The following ZNF608 variants were observed in gnomAD, a reference collection of about 807,000 sequenced individuals.
ZNF608 encodes the protein zinc finger protein 608, also known as renal carcinoma antigen NY-REN-36.
Under a neutral mutation model 109.0 loss-of-function variants are expected in ZNF608, and 12 were observed. That is an observed-to-expected ratio of 0.11 (90% CI 0.07 to 0.18). ZNF608 has a LOEUF of 0.18. Ranked by LOEUF, ZNF608 falls within the 10% of genes least tolerant of loss-of-function variation. The pLI is 1.00. For synonymous variants in ZNF608, 732 were observed against 717.4 expected (o/e 1.02, Z -0.33); for missense variants, 1,707 against 1,879.3 (o/e 0.91, Z 1.70).
At chr5:124,661,512 C>T (rs1751258252) in intron 3 of ZNF608, among the ~76,000 whole-genome samples, 1 of 149,402 alleles carries the variant, frequency 6.7e-6, no homozygotes, top group African/African-American at 2.5e-5. Flanking sequence ...CACAGAGTTA[C>T]AAGTATTTCA....
At chr5:124,671,794 C>T (rs767394510) in intron 3 of ZNF608, among the ~76,000 whole-genome samples, 9 of 151,904 alleles carry the variant, frequency 5.9e-5, no homozygotes, top group Admixed American at 5.9e-4. Flanking sequence ...AGCCACCACA[C>T]CTGGCTAATT....
chr5:124,642,442 G>A (rs867412499), intron 7 of ZNF608, among the ~76,000 whole-genome samples: 18 of 152,204 alleles, frequency 1.2e-4, no homozygotes, highest in African/African-American at 3.4e-4. Flanking sequence ...TACATGTCAC[G>A]GGCACTCAGC....
At chr5:124,681,973 C>T (rs1184146363) in intron 3 of ZNF608, among the ~76,000 whole-genome samples, 1 of 152,224 alleles carries the variant, frequency 6.6e-6, no homozygotes, top group Non-Finnish European at 1.5e-5. Flanking sequence ...CATGTGACCC[C>T]ATTATCAATC....
intron 2 of ZNF608, among the ~76,000 whole-genome samples, chr5:124,724,170 T>A (rs1754046028): frequency 6.6e-6 from 1 of 152,134 alleles, no homozygotes; most frequent in Non-Finnish European, 1.5e-5. Context: ...AAGGTGCAGA[T>A]CAGTTTCTTT....
At chr5:124,641,606 T>C (rs1750242382) in intron 7 of ZNF608, among the ~76,000 whole-genome samples, 2 of 152,190 alleles carry the variant, frequency 1.3e-5, no homozygotes, top group Admixed American at 1.3e-4. Context: ...AAAGAACTAC[T>C]CCACCCAAAG....
intron 3 of ZNF608, among the ~76,000 whole-genome samples, chr5:124,665,742 T>C (rs1751450619): frequency 6.6e-6 from 1 of 152,204 alleles, no homozygotes; most frequent in South Asian, 2.1e-4. Flanking sequence ...GTCTCTCACC[T>C]GATGTAGAAG....
chr5:124,651,855 C>G (rs758043133), intron 3 of ZNF608, among the ~76,000 whole-genome samples: 1 of 152,236 alleles, frequency 6.6e-6, no homozygotes, highest in Non-Finnish European at 1.5e-5. Context: ...GCATCCCCCA[C>G]GGCGCGCTGG....
intron 3 of ZNF608, among the ~76,000 whole-genome samples, chr5:124,668,957 C>G (rs1337364369): frequency 6.6e-6 from 1 of 152,148 alleles, no homozygotes; most frequent in African/African-American, 2.4e-5. Flanking sequence ...ATTAGCAAGA[C>G]AGCCAAACCC....
intron 2 of ZNF608, among the ~76,000 whole-genome samples, chr5:124,717,446 G>A (rs1753749479): frequency 6.6e-6 from 1 of 152,158 alleles, no homozygotes; most frequent in Non-Finnish European, 1.5e-5. Flanking sequence ...ACTCCAGCCT[G>A]GGCGACAGAG....
chr5:124,647,080 T>C lies in ZNF608; in HGVS notation c.3304A>G (p.Arg1102Gly), dbSNP rs1231113464. The C allele has an allele frequency of 6.2e-7, 1 of 1,614,168 alleles. No individual in the cohort carries two copies. Among genetic ancestry groups the C allele is most frequent in the Non-Finnish European group, 8.5e-7 (1 of 1,180,000 alleles). The part of the protein sequence containing the change: ...KSLMATSPAY[R>G]QQYEKYYEDQ... ...TCATAGTACTTCTCATACTGCTGTC[T>C]ATAGGCAGGGCTGGTGGCCATCAGA... is the stretch of plus-strand genomic sequence containing the variant. Residue 1102 changes from arginine (R) to glycine (G), a missense_variant, in exon 5 of 10, where the codon AGA (arginine) becomes GGA (glycine). Arg to Gly is a moderately radical substitution (Grantham distance 125). This residue lies in a region of ZNF608 where 1,073 missense variants were observed against 1,133.5 expected (regional missense o/e 0.95). Coordinates refer to ENST00000513986, the MANE Select transcript of ZNF608 (RefSeq NM_020747.3).
intron 3 of ZNF608, among the ~76,000 whole-genome samples, chr5:124,697,166 T>C (rs1461947346): frequency 7.1e-6 from 1 of 141,774 alleles, no homozygotes; most frequent in Non-Finnish European, 1.5e-5. Flanking sequence ...CAGTAGTAAA[T>C]AACGGTCGGA....
chr5:124,681,895 TG>T (rs1250194631), intron 3 of ZNF608, among the ~76,000 whole-genome samples: 1 of 152,160 alleles, frequency 6.6e-6, no homozygotes, highest in Non-Finnish European at 1.5e-5. Context: ...GAGACAACAC[TG>T]GGGAGCTCAA....
intron 2 of ZNF608, among the ~76,000 whole-genome samples, chr5:124,704,250 G>C (rs1484490790): frequency 6.6e-6 from 1 of 152,120 alleles, no homozygotes; most frequent in Non-Finnish European, 1.5e-5. Context: ...CTATTGTTTT[G>C]AGGTTCACAT....
At chr5:124,671,731 G>A (rs1485234256) in intron 3 of ZNF608, among the ~76,000 whole-genome samples, 1 of 151,352 alleles carries the variant, frequency 6.6e-6, no homozygotes, top group African/African-American at 2.4e-5. Flanking sequence ...AACCTCCTGG[G>A]CTCAAGCCAT....
Position 124,745,133 on chromosome 5 carries a change from G to T in ZNF608, c.-144C>A. 7.0e-7 allele frequency: 1 copy of T among 1,438,782 alleles called. No homozygotes were observed. The highest frequency in any genetic ancestry group is 1.5e-5 in the South Asian group (1 of 64,870). 89.1% of individuals were successfully genotyped at this position (1,438,782 alleles called of 1,614,324 possible). ...CTTCTTTTTCCTGCCCCACGAATGT[G>T]TCCAGGGATTTTACACCCTCAGTCC... is the stretch of plus-strand genomic sequence containing the variant. On this transcript the variant is annotated 5_prime_UTR_variant, in exon 2 of 10. Transcript: ENST00000513986.
chr5:124,738,901 C>A (rs1364324280), intron 2 of ZNF608, among the ~76,000 whole-genome samples: 1 of 152,206 alleles, frequency 6.6e-6, no homozygotes, highest in Non-Finnish European at 1.5e-5. Flanking sequence ...CGTTAAAAAA[C>A]CAGATCACAC....
At position 124,643,682 on chromosome 5, in the gene ZNF608, C is replaced by T. The variant is rs754794322; in HGVS notation, c.4125G>A (p.Gly1375=). The T allele has an allele frequency of 3.1e-6, 5 of 1,613,670 alleles. No homozygotes were observed. The highest frequency in any genetic ancestry group is 3.4e-6 in the Non-Finnish European group (4 of 1,179,920). The change falls in exon 7 of 10, where the codon GGG becomes GGA. Residue 1375 remains glycine, a splice_region_variant and synonymous_variant. Transcript: ENST00000513986. The part of the protein sequence containing the change: ...VSPVLMHSYP[G]AYLSPGFHYP... ...AATGAAATCCTGGAGAGAGATATGCCCCTGCAGATAAACAACAAATGCCAC... is the reference window on the plus strand; with the variant it reads ...AATGAAATCCTGGAGAGAGATATGCTCCTGCAGATAAACAACAAATGCCAC...
At chr5:124,638,243 C>T (rs1750069781) in intron 9 of ZNF608, among the ~76,000 whole-genome samples, 1 of 144,720 alleles carries the variant, frequency 6.9e-6, no homozygotes, top group South Asian at 2.4e-4. Context: ...AGCCACCACA[C>T]CCGGCCAACA....
At chr5:124,666,690 A>T (rs1018262935) in intron 3 of ZNF608, among the ~76,000 whole-genome samples, 1 of 150,168 alleles carries the variant, frequency 6.7e-6, no homozygotes, top group Non-Finnish European at 1.5e-5. Flanking sequence ...CAAATATCAA[A>T]ATACAAACTG....
Sources: gnomAD v4.1 joint callset for allele counts (sites outside exome capture counted in the v4.1 genomes callset) on GRCh38, gnomAD v4.1.1 for gene constraint, gnomAD v4.1.1 regional missense constraint, MANE v1.5 for transcripts, NCBI Gene and HGNC (gene_info 2026-07-23, HGNC 2026-07-21) for gene names.